Variants in UGGT2 observed in about 807,000 individuals in gnomAD.
UGGT2 encodes UDP-glucose glycoprotein glucosyltransferase 2.
A neutral mutation model predicts 192.1 loss-of-function variants in UGGT2; 180 were observed. The ratio of observed to expected loss-of-function variants is 0.94; its 90% CI spans 0.83 to 1.06. The LOEUF (loss-of-function observed/expected upper bound fraction) is 1.06. Among genes scored for constraint, UGGT2 ranks in the 50% least tolerant of loss-of-function variants. The probability of loss-of-function intolerance (pLI) is 0.00; values close to 1 mark genes in which losing one functional copy is unlikely to be tolerated. For missense variants in UGGT2, 1,849 were observed against 1,795.7 expected (o/e 1.03, Z -0.54); for synonymous variants, 580 against 591.0 (o/e 0.98, Z 0.27).
In UGGT2 at chr13:95,861,967, G is replaced by A. The variant is rs1424585560; in HGVS notation, c.3645-1084C>T. ...TTGTTTTTGGTATCCTTTTAATATA[G>A]CAAGTGGCTATACCATAATTGAACA... On this transcript the variant is annotated intron_variant, in intron 31 of 38. Transcript: ENST00000376747. Among the ~76,000 whole-genome samples the A allele has an allele frequency of 4.6e-5, 7 of 152,208 alleles. No homozygotes were observed. The East Asian group carries it at 1.4e-3, about 29-fold the overall frequency.
At chr13:96,049,181 G>C (rs1295582408) in intron 1 of UGGT2, among the ~76,000 whole-genome samples, 9 of 152,124 alleles carry the variant, frequency 5.9e-5, no homozygotes. Flanking sequence ...TTCAACATAT[G>C]CAAATCAATA....
At chr13:95,831,091 A>G (rs902241124) in intron 38 of UGGT2, among the ~76,000 whole-genome samples, 1 of 151,658 alleles carries the variant, frequency 6.6e-6, no homozygotes, top group Non-Finnish European at 1.5e-5. Flanking sequence ...GAACACCTGG[A>G]CACAGGGTGG....
Position 95,915,571 on chromosome 13 carries a change from T to C in UGGT2, c.2295+10109A>G, listed in dbSNP as rs552546249. 2.6e-5 allele frequency among the ~76,000 whole-genome samples: 4 copies of C among 152,342 alleles called. No homozygotes were observed. The South Asian group carries it at 8.3e-4, about 32-fold the overall frequency. ...GACATACTTATTTAGATGCAAAAAA[T>C]ACACTTATCCCTGTGGAAGCTTTAG... On this transcript the variant is annotated intron_variant, in intron 20 of 38. Transcript: ENST00000376747.
chr13:95,872,901 T>C (rs1891340422), intron 29 of UGGT2, among the ~76,000 whole-genome samples: 1 of 152,182 alleles, frequency 6.6e-6, no homozygotes, highest in Non-Finnish European at 1.5e-5. Flanking sequence ...GGAGAGGAAA[T>C]GGGCATTTAC....
chr13:95,965,178 T>C lies in UGGT2; in HGVS notation c.1335+4934A>G, dbSNP rs1277825368. Among the ~76,000 whole-genome samples the C allele has an allele frequency of 1.2e-3, 177 of 151,466 alleles. 1 individual carries two copies. Among genetic ancestry groups the C allele is most frequent in the African/African-American group, 3.7e-3 (151 of 41,234 alleles). ...CTAGTTCAACCATTGTGGAAGTCAG[T>C]GTGACGATTCCTCAGGGATCTAGAA... On this transcript the variant is annotated intron_variant, in intron 12 of 38. Coordinates refer to ENST00000376747, the MANE Select transcript of UGGT2 (RefSeq NM_020121.4).
intron 12 of UGGT2, among the ~76,000 whole-genome samples, chr13:95,961,685 T>C (rs900533734): frequency 1.3e-5 from 2 of 152,000 alleles, no homozygotes; most frequent in Non-Finnish European, 2.9e-5. Context: ...CAGCAATACC[T>C]AGATGGAAAA....
chr13:95,990,428 A>T (rs943192530), intron 7 of UGGT2: 5 of 153,112 alleles, frequency 3.3e-5, no homozygotes, highest in African/African-American at 1.2e-4. Flanking sequence ...AATTGAAAAT[A>T]AAAACTATAA....
intron 20 of UGGT2, among the ~76,000 whole-genome samples, chr13:95,904,218 C>T (rs545478461): frequency 2.8e-4 from 42 of 152,108 alleles, no homozygotes; most frequent in African/African-American, 7.7e-4. Flanking sequence ...TGGTATTATA[C>T]CTGATGGCTA....
Position 95,867,405 on chromosome 13 carries a change from A to G in UGGT2, c.3492T>C (p.Ser1164=), listed in dbSNP as rs1170316369. Residue 1164 remains serine, a synonymous_variant, in exon 30 of 39, where the codon TCT becomes TCC. Coordinates refer to ENST00000376747, the MANE Select transcript of UGGT2 (RefSeq NM_020121.4). The part of the protein sequence containing the change: ...YQIVGHEGTD[S]QADLEDIIVV... ...CAATGATATCTTCTAGGTCTGCTTG[A>G]GAGTCAGTTCCTTCATGCCTAAAAG... The G allele has an allele frequency of 6.2e-7, 1 of 1,606,992 alleles. No individual in the cohort carries two copies.
At chr13:96,027,549 T>C (rs2052705685) in intron 2 of UGGT2, among the ~76,000 whole-genome samples, 2 of 152,140 alleles carry the variant, frequency 1.3e-5, no homozygotes, top group Admixed American at 1.3e-4. Context: ...TATTCAAAAA[T>C]CACTCTTATT....
chr13:96,037,023 A>C (rs1183567435), intron 1 of UGGT2, among the ~76,000 whole-genome samples: 1 of 152,248 alleles, frequency 6.6e-6, no homozygotes, highest in Non-Finnish European at 1.5e-5. Context: ...TTCTTCAAAA[A>C]ATTCTACCCA....
At chr13:95,936,541 A>T (rs1458107770) in intron 17 of UGGT2, among the ~76,000 whole-genome samples, 1 of 152,228 alleles carries the variant, frequency 6.6e-6, no homozygotes, top group Non-Finnish European at 1.5e-5. Context: ...CGGCAGGCAC[A>T]AGCACCAACA....
At chr13:95,812,889 C>T (rs749234859) in intron 38 of UGGT2, among the ~76,000 whole-genome samples, 2 of 152,036 alleles carry the variant, frequency 1.3e-5, no homozygotes, top group Non-Finnish European at 1.5e-5. Flanking sequence ...AGCTGATTGC[C>T]GTGATGGATG....
intron 13 of UGGT2, among the ~76,000 whole-genome samples, chr13:95,948,321 A>T (rs1032152622): frequency 6.6e-6 from 1 of 152,076 alleles, no homozygotes; most frequent in South Asian, 2.1e-4. Context: ...TATACATGGA[A>T]TTTAACATCA....
At chr13:95,977,265 AC>A in intron 10 of UGGT2, among the ~76,000 whole-genome samples, 1 of 152,314 alleles carries the variant, frequency 6.6e-6, no homozygotes, top group East Asian at 1.9e-4. Context: ...TGAACAGGCA[AC>A]CTACAGAATG....
intron 24 of UGGT2, among the ~76,000 whole-genome samples, chr13:95,892,848 T>G (rs541354547): frequency 2.0e-5 from 3 of 152,154 alleles, no homozygotes; most frequent in Non-Finnish European, 2.9e-5. Context: ...CATGGTATGC[T>G]CATGACAGGA....
intron 12 of UGGT2, among the ~76,000 whole-genome samples, chr13:95,953,778 A>G (rs997921181): frequency 6.6e-6 from 1 of 152,208 alleles, no homozygotes; most frequent in Non-Finnish European, 1.5e-5. Flanking sequence ...AGAAAAAAGA[A>G]TCAAGATGAT....
chr13:95,853,391 T>C (rs1256731340), intron 36 of UGGT2, 152 bp downstream of exon 36: 1 of 558,482 alleles, frequency 1.8e-6, no homozygotes, highest in Non-Finnish European at 3.0e-6. Flanking sequence ...GGTGAAAAAA[T>C]TATGTATAAG....
At chr13:95,945,309 A>G (rs570950549) in intron 15 of UGGT2, among the ~76,000 whole-genome samples, 1 of 152,208 alleles carries the variant, frequency 6.6e-6, no homozygotes, top group South Asian at 2.1e-4. Flanking sequence ...AACACTTTTA[A>G]AAGATTTTAT....
Sources: allele counts gnomAD v4.1 joint callset (sites outside exome capture counted in the v4.1 genomes callset), GRCh38; gene constraint gnomAD v4.1.1; transcripts MANE v1.5; gene names NCBI Gene and HGNC (gene_info 2026-07-23, HGNC 2026-07-21).